The following SORCS2 variants were observed in gnomAD, a reference collection of about 807,000 sequenced individuals.
SORCS2 encodes the protein VPS10 domain-containing receptor SorCS2.
Under a neutral mutation model 141.6 loss-of-function variants are expected in SORCS2, and 100 were observed. The observed-to-expected ratio is 0.71, with a 90% CI of 0.60 to 0.83. The LOEUF (loss-of-function observed/expected upper bound fraction) is 0.83. Ranked by LOEUF, SORCS2 falls within the 40% of genes least tolerant of loss-of-function variation. The pLI is 0.00. For synonymous variants in SORCS2, 789 were observed against 676.9 expected (o/e 1.17, Z -2.57); for missense variants, 1,646 against 1,560.2 (o/e 1.05, Z -0.93).
chr4:7,515,595 G>A (rs562517872), intron 2 of SORCS2, among the ~76,000 whole-genome samples: 1 of 152,204 alleles, frequency 6.6e-6, no homozygotes, highest in Admixed American at 6.5e-5. Context: ...GACTTCCCAG[G>A]CTGTGGGGCA....
At chr4:7,328,018 CTTTTTTTTTTTTTT>C (rs60976971) in intron 1 of SORCS2, among the ~76,000 whole-genome samples, 24,382 of 90,080 alleles carry the variant, frequency 0.27, 2,942 homozygotes, top group East Asian at 0.54. Context: ...TCGTGCTAGG[CTTTTTTTTTTTTTT>C]TTTTTTTTTT....
intron 11 of SORCS2, among the ~76,000 whole-genome samples, chr4:7,691,294 G>A (rs1241581927): frequency 6.6e-6 from 1 of 152,254 alleles, no homozygotes; most frequent in Non-Finnish European, 1.5e-5. Flanking sequence ...CTCCAAGGCT[G>A]TTTGTGAATG....
intron 1 of SORCS2, among the ~76,000 whole-genome samples, chr4:7,377,030 G>C (rs1577467466): frequency 6.6e-6 from 1 of 152,160 alleles, no homozygotes; most frequent in Non-Finnish European, 1.5e-5. Context: ...AGAGTTTATA[G>C]TCTCATGGAG....
rs536378017 is a variant in SORCS2 at position 7,369,334 on chromosome 4, C to CA, written c.481-26949dup. Among the ~76,000 whole-genome samples, 552 of 152,200 alleles carry CA rather than the reference C, an allele frequency of 3.6e-3. 5 individuals carry two copies. The highest frequency in any genetic ancestry group is 0.013 in the African/African-American group (523 of 41,528). ...TGAAAACCAAACCAAACCAAAACAC[C>CA]AAAAACCTCTTTCTTTTATAGATTG... On this transcript the variant is annotated intron_variant, in intron 1 of 26. Coordinates refer to ENST00000507866, the MANE Select transcript of SORCS2 (RefSeq NM_020777.3).
chr4:7,545,272 C>T (rs760170259), intron 3 of SORCS2, among the ~76,000 whole-genome samples: 1 of 152,038 alleles, frequency 6.6e-6, no homozygotes, highest in Admixed American at 6.5e-5. Flanking sequence ...AGAACTGAAC[C>T]AAAACACCAG....
intron 3 of SORCS2, among the ~76,000 whole-genome samples, chr4:7,614,806 A>G (rs1405633152): frequency 1.3e-5 from 2 of 149,704 alleles, no homozygotes; most frequent in Non-Finnish European, 1.5e-5. Context: ...CCATCCACCT[A>G]TCCACCAACC....
At chr4:7,560,596 C>T (rs923134932) in intron 3 of SORCS2, among the ~76,000 whole-genome samples, 2 of 152,134 alleles carry the variant, frequency 1.3e-5, no homozygotes, top group Non-Finnish European at 1.5e-5. Context: ...CAGGCTCTTC[C>T]ACCCCTGGCC....
intron 2 of SORCS2, among the ~76,000 whole-genome samples, chr4:7,514,719 C>G (rs552807014): frequency 6.6e-6 from 1 of 152,250 alleles, no homozygotes; most frequent in South Asian, 2.1e-4. Flanking sequence ...CATGAGGTAC[C>G]TGCCAACCAG....
At chr4:7,208,737 C>A (rs958747218) in intron 1 of SORCS2, among the ~76,000 whole-genome samples, 5 of 152,204 alleles carry the variant, frequency 3.3e-5, no homozygotes, top group African/African-American at 1.2e-4. Flanking sequence ...TTGTCTCCTG[C>A]TCACCAGGCA....
intron 3 of SORCS2, among the ~76,000 whole-genome samples, chr4:7,536,815 G>A (rs1033045737): frequency 3.7e-5 from 5 of 133,498 alleles, no homozygotes; most frequent in Non-Finnish European, 7.8e-5. Flanking sequence ...AGAAGCGGAT[G>A]TCCCCATACT....
intron 14 of SORCS2, among the ~76,000 whole-genome samples, chr4:7,706,474 T>C (rs866285368): frequency 0.053 from 4,713 of 89,268 alleles, 214 homozygotes; most frequent in Middle Eastern, 0.091. Flanking sequence ...GGCTGGGCTC[T>C]GCCTGGACAG....
chr4:7,361,326 G>T (rs56803036), intron 1 of SORCS2, among the ~76,000 whole-genome samples: 70,238 of 151,968 alleles, frequency 0.46, 18,036 homozygotes, highest in East Asian at 0.78. Flanking sequence ...CCCCATTAAT[G>T]TCACCCCTTG....
At chr4:7,214,451 C>T (rs774710258) in intron 1 of SORCS2, among the ~76,000 whole-genome samples, 4 of 152,190 alleles carry the variant, frequency 2.6e-5, no homozygotes, top group Non-Finnish European at 4.4e-5. Flanking sequence ...TCCCAGCCTC[C>T]AGAACCAAAT....
chr4:7,560,649 G>C (rs181323696), intron 3 of SORCS2, among the ~76,000 whole-genome samples: 55 of 152,284 alleles, frequency 3.6e-4, no homozygotes, highest in Non-Finnish European at 6.6e-4. Flanking sequence ...AATAGGGACG[G>C]CTCTGGGTAC....
chr4:7,383,985 T>C (rs1723142741), intron 1 of SORCS2, among the ~76,000 whole-genome samples: 1 of 152,266 alleles, frequency 6.6e-6, no homozygotes, highest in Non-Finnish European at 1.5e-5. Context: ...CGTCCATTTA[T>C]TTGCTGCTGA....
At chr4:7,645,082 A>C (rs1720986009) in intron 4 of SORCS2, among the ~76,000 whole-genome samples, 1 of 152,252 alleles carries the variant, frequency 6.6e-6, no homozygotes, top group South Asian at 2.1e-4. Flanking sequence ...TGGTAACGCC[A>C]TCCATTAATG....
chr4:7,415,225 G>C (rs895616184), intron 2 of SORCS2, among the ~76,000 whole-genome samples: 3 of 152,312 alleles, frequency 2.0e-5, no homozygotes, highest in Admixed American at 6.5e-5. Context: ...AAGCAACACA[G>C]GTGTGTCATC....
Position 7,514,561 on chromosome 4 carries a change from C to T in SORCS2, c.549-16969C>T, listed in dbSNP as rs187413090. Among the ~76,000 whole-genome samples the T allele has an allele frequency of 6.0e-3, 911 of 152,118 alleles. 6 individuals carry two copies. Among genetic ancestry groups the T allele is most frequent in the African/African-American group, 0.021 (862 of 41,478 alleles). ...TTATAGAGTCATGGCAGGGCAGACA[C>T]TGGCATGCAGTGAGGGGCTTCCCAC... On this transcript the variant is annotated intron_variant, in intron 2 of 26. Transcript: ENST00000507866.
chr4:7,734,981 C>T (rs1577138099), intron 25 of SORCS2, among the ~76,000 whole-genome samples: 2 of 152,240 alleles, frequency 1.3e-5, no homozygotes, highest in Admixed American at 6.5e-5. Flanking sequence ...CCTCTCTTTC[C>T]TTCTGAGCCT....
Sources: allele counts gnomAD v4.1 joint callset (sites outside exome capture counted in the v4.1 genomes callset), GRCh38; gene constraint gnomAD v4.1.1; transcripts MANE v1.5; gene names NCBI Gene and HGNC (gene_info 2026-07-23, HGNC 2026-07-21).